Variants in SLC6A7 observed in about 807,000 individuals in gnomAD.
SLC6A7 encodes solute carrier family 6 member 7.
In SLC6A7, 58 loss-of-function variants were observed where a neutral mutation model predicts 73.1. The ratio of observed to expected loss-of-function variants is 0.79; its 90% CI spans 0.64 to 0.99. SLC6A7 has a LOEUF of 0.99. SLC6A7 is among the 50% of genes least tolerant of loss of function. The pLI is 0.00. For synonymous variants in SLC6A7, 338 were observed against 338.7 expected (o/e 1.00, Z 0.02); for missense variants, 783 against 831.4 (o/e 0.94, Z 0.72).
rs918829597 is a variant in SLC6A7, at chr5:150,204,995, C to T, written c.1533+68C>T. The T allele has an allele frequency of 3.3e-5, 34 of 1,026,014 alleles. No individual in the cohort carries two copies. In the Admixed American group the frequency reaches 5.1e-4, roughly 15 times the overall value. 63.6% of individuals were successfully genotyped at this position (1,026,014 alleles called of 1,614,324 possible). On this transcript the variant is annotated intron_variant, in intron 12 of 13. Transcript: ENST00000230671. ...ATTGAAAGCGGGAGTCCCCTCTGCA[C>T]GTTCAGTCTGGTAGGGCCACCCTGG... is the stretch of plus-strand genomic sequence containing the variant.
rs532875693 is a variant in SLC6A7, at chr5:150,200,932, G to A, written c.724-157G>A. Among the ~76,000 whole-genome samples, 4 of 152,278 alleles carry A rather than the reference G, an allele frequency of 2.6e-5. No individual in the cohort carries two copies. In the East Asian group the frequency reaches 5.8e-4, roughly 22 times the overall value. On this transcript the variant is annotated intron_variant, in intron 5 of 13. Coordinates refer to ENST00000230671, the MANE Select transcript of SLC6A7 (RefSeq NM_014228.5). The stretch of plus-strand genomic sequence containing the variant: ...AGGTGGTGGTGCTTTGCTGATGCTG[G>A]GTGTGTGAAGGGAGGAGGGAAGCCT...
At chr5:150,193,330 G>A (rs139833761) in intron 1 of SLC6A7, among the ~76,000 whole-genome samples, 69 of 152,258 alleles carry the variant, frequency 4.5e-4, no homozygotes, top group South Asian at 1.4e-3. Context: ...GCTGGCCTCC[G>A]CTCCCCTCTG....
intron 10 of SLC6A7, 58 bp from the exon 11 acceptor site, chr5:150,204,474 G>T: frequency 7.6e-7 from 1 of 1,308,320 alleles, no homozygotes; most frequent in Non-Finnish European, 1.1e-6. Flanking sequence ...CAGGAGAAGG[G>T]GCTGTAGCAG....
chr5:150,199,288 G>A lies in SLC6A7; in HGVS notation c.645G>A (p.Trp215Ter), dbSNP rs747143178. ...TCGGCAGCCCTGGGGAGATCCGCTG[G>A]AACCTCTGCCTCTGCCTGCTGCTGG... ...QGIGSPGEIR[W>*]NLCLCLLLAW... Residue 215 changes from tryptophan to a stop codon, truncating the protein, a stop_gained, in exon 5 of 14, where the codon TGG (tryptophan) becomes TGA (stop). Coordinates refer to ENST00000230671, the MANE Select transcript of SLC6A7 (RefSeq NM_014228.5). LOFTEE classifies it high-confidence loss of function. The A allele has an allele frequency of 6.2e-7, 1 of 1,614,012 alleles. No individual in the cohort carries two copies. The highest frequency in any genetic ancestry group is 8.5e-7 in the Non-Finnish European group (1 of 1,179,936).
At chr5:150,191,167 A>G (rs1752765292) in intron 1 of SLC6A7, among the ~76,000 whole-genome samples, 1 of 152,216 alleles carries the variant, frequency 6.6e-6, no homozygotes, top group African/African-American at 2.4e-5. Flanking sequence ...GACTTTGGAC[A>G]AGTTCATTCT....
rs145436994 is a variant in SLC6A7, at chr5:150,193,622, C to T, written c.34-1106C>T. ...AGTAGGCCCCATTTGAGCCACGGAG[C>T]ATCAGTGGATTCCCTCCCTCAGGGG... On this transcript the variant is annotated intron_variant, in intron 1 of 13. Coordinates refer to ENST00000230671, the MANE Select transcript of SLC6A7 (RefSeq NM_014228.5). Among the ~76,000 whole-genome samples, 861 of 152,296 alleles carry T rather than the reference C, an allele frequency of 5.7e-3. 2 individuals are homozygous for T. Among genetic ancestry groups the T allele is most frequent in the Admixed American group, 9.5e-3 (145 of 15,308 alleles).
chr5:150,194,301 C>A (rs1051427847), intron 1 of SLC6A7, among the ~76,000 whole-genome samples: 2 of 151,906 alleles, frequency 1.3e-5, no homozygotes, highest in Non-Finnish European at 2.9e-5. Context: ...TGGTGGTGGG[C>A]GCCTGTAGTC....
chr5:150,195,010 C>G, intron 2 of SLC6A7, 99 bp downstream of exon 2: 1 of 1,015,164 alleles, frequency 9.9e-7, no homozygotes, highest in Non-Finnish European at 1.5e-6. Flanking sequence ...GTCTCCTAGG[C>G]GACCTTGGGC....
rs749701300 is a variant in SLC6A7, at chr5:150,209,585, G to A, written c.1881G>A (p.Glu627=). The A allele has an allele frequency of 5.0e-6, 8 of 1,611,468 alleles. No individual in the cohort carries two copies. Among genetic ancestry groups the A allele is most frequent in the Non-Finnish European group, 6.8e-6 (8 of 1,178,762 alleles). ...ACACGGCCATCGAGGTGGACCGTGA[G>A]ATTGCAGAGGAGGAGGAGTCGATGA... The part of the protein sequence containing the change: ...FENTAIEVDR[E]IAEEEESMM The change falls in exon 14 of 14, where the codon GAG becomes GAA. Residue 627 remains glutamate (E), a synonymous_variant. Coordinates refer to ENST00000230671, the MANE Select transcript of SLC6A7 (RefSeq NM_014228.5).
intron 13 of SLC6A7, 121 bp from the exon 14 acceptor site, chr5:150,209,285 G>C: frequency 1.2e-6 from 1 of 802,674 alleles, no homozygotes; most frequent in Non-Finnish European, 2.1e-6. Flanking sequence ...CCCCGCCAGG[G>C]GGCTGTGGCC....
At chr5:150,195,221 C>A in intron 2 of SLC6A7, 1 of 281,300 alleles carries the variant, frequency 3.6e-6, no homozygotes, top group African/African-American at 2.1e-5. Context: ...TGATAAGGAG[C>A]TGTATCTGCC....
chr5:150,197,296 C>G lies in SLC6A7; in HGVS notation c.584+20C>G. 1 of 1,536,594 alleles carries G rather than the reference C, an allele frequency of 6.5e-7. No homozygotes were observed. Among genetic ancestry groups the G allele is most frequent in the Non-Finnish European group, 8.9e-7 (1 of 1,122,536 alleles). On this transcript the variant is annotated intron_variant, in intron 4 of 13. Transcript: ENST00000230671. ...CTGGAGGTCAGGCAGCTGCTGGCCC[C>G]GCGGCATCTGAGGGGACCCTGCACT...
At position 150,209,584 on chromosome 5, in the gene SLC6A7, A is replaced by G. The variant is rs990486379; in HGVS notation, c.1880A>G (p.Glu627Gly). The G allele has an allele frequency of 2.5e-6, 4 of 1,611,794 alleles. No homozygotes were observed. In the African/African-American group the frequency reaches 5.3e-5, roughly 22 times the overall value. Reference protein sequence around the residue: ...FENTAIEVDREIAEEEESMM With the variant: ...FENTAIEVDRGIAEEEESMM ...AACACGGCCATCGAGGTGGACCGTG[A>G]GATTGCAGAGGAGGAGGAGTCGATG... The change falls in exon 14 of 14, where the codon GAG (glutamate) becomes GGG (glycine). Residue 627 changes from glutamate (E) to glycine (G), a missense_variant. Coordinates refer to ENST00000230671, the MANE Select transcript of SLC6A7 (RefSeq NM_014228.5).
chr5:150,203,080 A>C (rs949282684), intron 8 of SLC6A7, among the ~76,000 whole-genome samples: 1 of 152,104 alleles, frequency 6.6e-6, no homozygotes, highest in Non-Finnish European at 1.5e-5. Context: ...CCTCAAAAAA[A>C]AAAAAAAAAG....
chr5:150,202,804 G>A, intron 8 of SLC6A7, 101 bp downstream of exon 8: 3 of 1,368,076 alleles, frequency 2.2e-6, no homozygotes, highest in South Asian at 2.7e-5. Flanking sequence ...GCCAGGCGCG[G>A]TGGCTCATGC....
At position 150,196,734 on chromosome 5, in the gene SLC6A7, A is replaced by G. The variant is rs767057473; in HGVS notation, c.236A>G (p.Tyr79Cys). The change falls in exon 3 of 14, where the codon TAC becomes TGC. Residue 79 changes from tyrosine to cysteine, a missense_variant. By Grantham distance (194) the Tyr-to-Cys change is radical. Coordinates refer to ENST00000230671, the MANE Select transcript of SLC6A7 (RefSeq NM_014228.5). The stretch of plus-strand genomic sequence containing the variant: ...CCGGCAGGCGCCTTCCTCGTGCCCT[A>G]CTTCCTCATGCTGGCCATCTGTGGC... ...TNGGGAFLVPYFLMLAICGIP... is the reference protein window; with the variant it reads ...TNGGGAFLVPCFLMLAICGIP... The G allele has an allele frequency of 6.8e-6, 11 of 1,613,724 alleles. No individual in the cohort carries two copies. In the African/African-American group the frequency reaches 8.0e-5, roughly 12 times the overall value.
intron 5 of SLC6A7, 37 bp from the exon 6 acceptor site, chr5:150,201,052 C>T (rs1753351389): frequency 6.2e-7 from 1 of 1,609,782 alleles, no homozygotes; most frequent in Non-Finnish European, 8.5e-7. Flanking sequence ...GAGTCAAGGT[C>T]CCCGATGCCA....
rs1236829761 is a variant in SLC6A7 at position 150,209,896 on chromosome 5, G to A, written c.*281G>A. 2 of 462,640 alleles carry A rather than the reference G, an allele frequency of 4.3e-6. No individual in the cohort carries two copies. Among genetic ancestry groups the A allele is most frequent in the Non-Finnish European group, 7.9e-6 (2 of 251,638 alleles). 28.7% of individuals were successfully genotyped at this position (462,640 alleles called of 1,614,324 possible). A position where few individuals can be genotyped will look rare whatever the true frequency, so the allele number is the denominator to read the frequency against. ...GATGGACATATTAAGGCCAGGAGGGGAGGGACTTGCCCCAGGTCGCATGGC... is the reference window on the plus strand; with the variant it reads ...GATGGACATATTAAGGCCAGGAGGGAAGGGACTTGCCCCAGGTCGCATGGC... On this transcript the variant is annotated 3_prime_UTR_variant, in exon 14 of 14. Transcript: ENST00000230671.
intron 5 of SLC6A7, 79 bp downstream of exon 5, chr5:150,199,445 G>A: frequency 1.0e-6 from 1 of 973,564 alleles, no homozygotes; most frequent in Non-Finnish European, 1.6e-6. Context: ...CTTGGACTGA[G>A]CATGAGAAGA....
Sources: allele counts gnomAD v4.1 joint callset (sites outside exome capture counted in the v4.1 genomes callset), GRCh38; gene constraint gnomAD v4.1.1; transcripts MANE v1.5; gene names NCBI Gene and HGNC (gene_info 2026-07-23, HGNC 2026-07-21).